Variants in CACNA1C observed in about 807,000 individuals in gnomAD.
CACNA1C encodes the protein calcium voltage-gated channel subunit alpha1 C.
CACNA1C carries 30 observed loss-of-function variants against 229.0 expected under a neutral mutation model. The ratio of observed to expected loss-of-function variants is 0.13; its 90% CI spans 0.10 to 0.18. CACNA1C has a LOEUF of 0.18. CACNA1C is among the 10% of genes least tolerant of loss of function. CACNA1C has a pLI of 1.00. For missense variants in CACNA1C, 1,658 were observed against 2,845.0 expected, an observed-to-expected ratio of 0.58 and a Z score of 9.49; for synonymous variants, 1,114 against 1,132.5, an observed-to-expected ratio of 0.98 and a Z score of 0.33.
chr12:2,615,821 T>C (rs546713771), intron 29 of CACNA1C, among the ~76,000 whole-genome samples: 1 of 152,098 alleles, frequency 6.6e-6, no homozygotes, highest in Non-Finnish European at 1.5e-5. Flanking sequence ...GCAAGGGTAC[T>C]GGGGGGGAGG....
At chr12:2,541,403 A>ATCT (rs1451363749) in intron 9 of CACNA1C, among the ~76,000 whole-genome samples, 1 of 152,220 alleles carries the variant, frequency 6.6e-6, no homozygotes, top group Non-Finnish European at 1.5e-5. Context: ...AAAAAATGTA[A>ATCT]TAAGATGGGC....
intron 3 of CACNA1C, among the ~76,000 whole-genome samples, chr12:2,340,963 G>GA (rs1003063976): frequency 1.8e-4 from 26 of 143,800 alleles, no homozygotes; most frequent in Admixed American, 2.7e-4. Flanking sequence ...TCTCAAAAAA[G>GA]AAAAAAAAAA....
chr12:2,143,163 A>G (rs2094421335), intron 3 of CACNA1C, among the ~76,000 whole-genome samples: 1 of 150,768 alleles, frequency 6.6e-6, no homozygotes, highest in Admixed American at 6.7e-5. Context: ...TTTAGTAGAG[A>G]CGGGGTTTCA....
intron 1 of CACNA1C, among the ~76,000 whole-genome samples, chr12:2,043,781 CAGTAGCTGGG>C (rs1423003224): frequency 7.1e-6 from 1 of 140,884 alleles, no homozygotes; most frequent in Non-Finnish European, 1.5e-5. Context: ...TCAGCCTCCC[CAGTAGCTGGG>C]ACTACAGGCG....
intron 1 of CACNA1C, chr12:2,004,287 C>T: frequency 7.4e-6 from 12 of 1,613,156 alleles, no homozygotes; most frequent in Non-Finnish European, 1.0e-5. Flanking sequence ...CGCACCCACT[C>T]GTTGGCCCGA....
At position 2,486,482 on chromosome 12, in the gene CACNA1C, C is replaced by G. The variant is rs981529963; in HGVS notation, c.916+220C>G. Among the ~76,000 whole-genome samples, 1 of 152,228 alleles carries G rather than the reference C, an allele frequency of 6.6e-6. No individual in the cohort carries two copies. The highest frequency in any genetic ancestry group is 1.5e-5 in the Non-Finnish European group (1 of 68,032). On this transcript the variant is annotated intron_variant, in intron 6 of 46. Transcript: ENST00000399655. The surrounding 1 kb of genome is among the most constrained non-coding windows in gnomAD (Gnocchi z 4.9). The stretch of plus-strand genomic sequence containing the variant: ...CTCTGTTAAACCGGCCTAACGCAAA[C>G]TTCGTTCAGCACTTTTCAATAAGCT...
chr12:2,097,968 A>T (rs73603741), intron 1 of CACNA1C, among the ~76,000 whole-genome samples: 4,598 of 152,282 alleles, frequency 0.03, 223 homozygotes, highest in African/African-American at 0.1. Flanking sequence ...GAGCTGTCTG[A>T]ACTAGAAGGA....
intron 3 of CACNA1C, among the ~76,000 whole-genome samples, chr12:2,124,733 C>A (rs766278358): frequency 1.3e-5 from 2 of 151,958 alleles, no homozygotes; most frequent in African/African-American, 4.8e-5. Flanking sequence ...TCATGGGTGG[C>A]GGAGAGAGCT....
intron 30 of CACNA1C, among the ~76,000 whole-genome samples, chr12:2,642,757 G>A (rs1026146739): frequency 2.6e-5 from 4 of 152,186 alleles, no homozygotes; most frequent in African/African-American, 4.8e-5. Flanking sequence ...GATTTCATTC[G>A]TTTATTCTTC....
At chr12:2,550,693 G>A (rs757146782) in intron 10 of CACNA1C, 1 of 1,317,616 alleles carries the variant, frequency 7.6e-7, no homozygotes, top group Non-Finnish European at 1.0e-6. Context: ...TGCTCCACCT[G>A]GGGGGCGGGG....
At chr12:2,533,385 G>A (rs139539313) in intron 9 of CACNA1C, among the ~76,000 whole-genome samples, 12 of 152,318 alleles carry the variant, frequency 7.9e-5, no homozygotes, top group Non-Finnish European at 1.6e-4. Flanking sequence ...CATTGAATGA[G>A]TGAAGGAGTA....
At chr12:2,543,960 A>C (rs1331866456) in intron 9 of CACNA1C, among the ~76,000 whole-genome samples, 1 of 152,194 alleles carries the variant, frequency 6.6e-6, no homozygotes, top group Non-Finnish European at 1.5e-5. Context: ...GCCACCACAC[A>C]GATAGAAACT....
chr12:2,388,804 T>C (rs1354794385), intron 3 of CACNA1C, among the ~76,000 whole-genome samples: 2 of 152,214 alleles, frequency 1.3e-5, no homozygotes, highest in African/African-American at 4.8e-5. Context: ...GCAGTGTCTG[T>C]GGCACATCCA....
chr12:2,255,416 C>A (rs1447848343), intron 3 of CACNA1C, among the ~76,000 whole-genome samples: 1 of 152,168 alleles, frequency 6.6e-6, no homozygotes, highest in South Asian at 2.1e-4. Flanking sequence ...GGTCCATTTA[C>A]TAATGTCCTT....
chr12:1,972,810 GA>G (rs1028314383), intron 1 of CACNA1C, among the ~76,000 whole-genome samples: 32 of 152,104 alleles, frequency 2.1e-4, no homozygotes, highest in Non-Finnish European at 4.7e-4. Flanking sequence ...GGAATGAAGG[GA>G]GGGGGGAGAT....
chr12:1,996,647 AAAAAAAAAC>A lies in CACNA1C; in HGVS notation c.139+25449_139+25457del, dbSNP rs1333378636. On this transcript the variant is annotated intron_variant, in intron 1 of 46. Transcript: ENST00000682462. ...AAAAAAAAAAAAAAAAAAAAAAAAA[AAAAAAAAAC>A]AACAAACTCTTCTAATGTTTTAAAG... Among the ~76,000 whole-genome samples, 142 of 54,158 alleles carry A rather than the reference AAAAAAAAAC, an allele frequency of 2.6e-3. 4 individuals are homozygous for A. Among genetic ancestry groups the A allele is most frequent in the African/African-American group, 0.013 (130 of 10,174 alleles). The allele number at this position is 54,158 out of a possible 152,430, so 35.5% of individuals were successfully genotyped here.
intron 4 of CACNA1C, among the ~76,000 whole-genome samples, chr12:2,453,354 A>G (rs1330161573): frequency 6.6e-6 from 1 of 152,084 alleles, no homozygotes; most frequent in Non-Finnish European, 1.5e-5. Context: ...GCTCAAGCCT[A>G]TTGCTCCTGA....
upstream of CACNA1C, chr12:2,048,230 G>A (rs985755292): frequency 5.3e-5 from 8 of 152,230 alleles, no homozygotes; most frequent in Non-Finnish European, 7.3e-5. Context: ...GCTTAGTGAA[G>A]TTGACCTAAT....
At chr12:2,378,616 T>C (rs1303339258) in intron 3 of CACNA1C, among the ~76,000 whole-genome samples, 1 of 152,234 alleles carries the variant, frequency 6.6e-6, no homozygotes, top group Non-Finnish European at 1.5e-5. Flanking sequence ...AGAAAGATGG[T>C]CTACTTTGTA....
Sources: allele counts gnomAD v4.1 joint callset (sites outside exome capture counted in the v4.1 genomes callset), GRCh38; gene constraint gnomAD v4.1.1; non-coding constraint Gnocchi (gnomAD v3.1); transcripts MANE v1.5; gene names NCBI Gene and HGNC (gene_info 2026-07-23, HGNC 2026-07-21).